Variants in EML4 observed in about 807,000 individuals in gnomAD.
EML4 encodes EMAP like 4, also known as echinoderm microtubule-associated protein-like 4.
A neutral mutation model predicts 129.0 loss-of-function variants in EML4; 72 were observed. The observed-to-expected ratio is 0.56, with a 90% CI of 0.46 to 0.68. The LOEUF (loss-of-function observed/expected upper bound fraction) is 0.68. Ranked by LOEUF, EML4 falls within the 30% of genes least tolerant of loss-of-function variation. The probability of loss-of-function intolerance (pLI) is 0.00; values close to 1 mark genes in which losing one functional copy is unlikely to be tolerated. For synonymous variants in EML4, 532 were observed against 405.0 expected, an observed-to-expected ratio of 1.31 and a Z score of -3.77; for missense variants, 1,363 against 1,190.6, an observed-to-expected ratio of 1.14 and a Z score of -2.13.
intron 1 of EML4, among the ~76,000 whole-genome samples, chr2:42,232,507 C>G (rs1674411072): frequency 6.6e-6 from 1 of 152,138 alleles, no homozygotes; most frequent in Admixed American, 6.5e-5. Flanking sequence ...TCTCACCAGT[C>G]AATAGCAAGA....
intron 2 of EML4, among the ~76,000 whole-genome samples, chr2:42,253,555 CAAG>C (rs769115203): frequency 1.3e-5 from 2 of 152,076 alleles, no homozygotes; most frequent in Non-Finnish European, 2.9e-5. Context: ...GGTAAAACTG[CAAG>C]AAGAGAGACT....
chr2:42,186,326 A>G (rs1346738726), intron 1 of EML4, among the ~76,000 whole-genome samples: 1 of 151,990 alleles, frequency 6.6e-6, no homozygotes, highest in African/African-American at 2.4e-5. Context: ...GACTTTTTGA[A>G]AGTCTTTATA....
intron 13 of EML4, 44 bp from the exon 14 acceptor site, chr2:42,301,194 TGAA>T: frequency 6.5e-7 from 1 of 1,539,244 alleles, no homozygotes; most frequent in Non-Finnish European, 8.9e-7. Flanking sequence ...CACTAAAATC[TGAA>T]GAAAAGTATT....
At chr2:42,246,615 G>C (rs1007452764) in intron 2 of EML4, among the ~76,000 whole-genome samples, 1 of 152,156 alleles carries the variant, frequency 6.6e-6, no homozygotes, top group African/African-American at 2.4e-5. Context: ...GGTATGTAGA[G>C]ATACATATTG....
In EML4 at chr2:42,316,005, C is replaced by G; in HGVS notation, c.2011C>G (p.His671Asp). The G allele has an allele frequency of 6.2e-7, 1 of 1,613,402 alleles. No homozygotes were observed. The highest frequency in any genetic ancestry group is 8.5e-7 in the Non-Finnish European group (1 of 1,179,620). The change falls in exon 18 of 23, where the codon CAC (histidine) becomes GAC (aspartate). Residue 671 changes from histidine (H) to aspartate (D), a missense_variant. Transcript: ENST00000318522. ...DAETRDLVSI[H>D]TDGNEQLSVM... ...AGAAACCAGAGATCTAGTTTCTATCCACACAGACGGGAATGAACAGCTCTC... is the reference window on the plus strand; with the variant it reads ...AGAAACCAGAGATCTAGTTTCTATCGACACAGACGGGAATGAACAGCTCTC...
At chr2:42,174,786 A>G (rs913983915) in intron 1 of EML4, among the ~76,000 whole-genome samples, 1 of 151,982 alleles carries the variant, frequency 6.6e-6, no homozygotes, top group East Asian at 1.9e-4. Flanking sequence ...TTATACTTTT[A>G]TAGGTGAAAA....
chr2:42,207,127 G>A (rs1672600492), intron 1 of EML4, among the ~76,000 whole-genome samples: 2 of 151,976 alleles, frequency 1.3e-5, no homozygotes, highest in African/African-American at 4.8e-5. Context: ...GTGATTATTG[G>A]TTACATTCTA....
At chr2:42,203,607 A>G (rs1015822952) in intron 1 of EML4, among the ~76,000 whole-genome samples, 2 of 150,386 alleles carry the variant, frequency 1.3e-5, no homozygotes, top group Non-Finnish European at 2.9e-5. Flanking sequence ...ACAGCCGTTT[A>G]TATACTTATT....
At chr2:42,281,003 A>G (rs371647409) in intron 7 of EML4, 30 bp downstream of exon 7, 7 of 1,530,902 alleles carry the variant, frequency 4.6e-6, no homozygotes, top group Non-Finnish European at 6.2e-6. Flanking sequence ...CAGCAAATTC[A>G]TTTGCTTTGT....
chr2:42,328,913 C>T lies in EML4; in HGVS notation c.2369C>T (p.Thr790Ile), dbSNP rs2103846609. Residue 790 changes from threonine (T) to isoleucine (I), a missense_variant, in exon 22 of 23, where the codon ACA becomes ATA. Physicochemically the swap from Thr to Ile is moderately conservative, Grantham distance 89. Transcript: ENST00000318522. ...FGVWPEGSDG[T>I]DINALVRSHN... ...GTCTGGCCAGAAGGATCTGATGGGACAGATATCAATGCACTGGTGCGATCC... is the reference window on the plus strand; with the variant it reads ...GTCTGGCCAGAAGGATCTGATGGGATAGATATCAATGCACTGGTGCGATCC... 6.2e-7 allele frequency: 1 copy of T among 1,612,618 alleles called. No individual in the cohort carries two copies. The highest frequency in any genetic ancestry group is 1.1e-5 in the South Asian group (1 of 90,930).
At chr2:42,304,335 C>G in intron 16 of EML4, 149 bp from the exon 17 acceptor site, 1 of 630,630 alleles carries the variant, frequency 1.6e-6, no homozygotes, top group Non-Finnish European at 2.8e-6. Context: ...TCTTTTTCCT[C>G]TCATATCTGT....
chr2:42,330,361 T>C lies in EML4; in HGVS notation c.*154T>C. ...CTTCAATAGTCTTATTTTCAGTCTC[T>C]CAAATACAGCCAACTTAAAGTTTTA... is the stretch of plus-strand genomic sequence containing the variant. On this transcript the variant is annotated 3_prime_UTR_variant, in exon 23 of 23. Coordinates refer to ENST00000318522, the MANE Select transcript of EML4 (RefSeq NM_019063.5). 1.4e-6 allele frequency: 1 copy of C among 738,236 alleles called. No individual in the cohort carries two copies. Among genetic ancestry groups the C allele is most frequent in the East Asian group, 2.7e-5 (1 of 37,292 alleles). The allele number at this position is 738,236 out of a possible 1,614,324, so 45.7% of individuals were successfully genotyped here.
chr2:42,248,814 A>G (rs886663931), intron 2 of EML4, among the ~76,000 whole-genome samples: 2 of 152,174 alleles, frequency 1.3e-5, no homozygotes, highest in African/African-American at 2.4e-5. Context: ...AAATGGTTTG[A>G]TGGGGGTATT....
chr2:42,299,699 T>C (rs912770047), intron 13 of EML4, among the ~76,000 whole-genome samples: 6 of 152,336 alleles, frequency 3.9e-5, no homozygotes, highest in Non-Finnish European at 8.8e-5. Context: ...TTTGTTTGTT[T>C]GTTTTTTGAG....
intron 1 of EML4, among the ~76,000 whole-genome samples, chr2:42,202,884 C>G (rs1672314203): frequency 6.6e-6 from 1 of 152,018 alleles, no homozygotes; most frequent in Admixed American, 6.6e-5. Flanking sequence ...AAAAATTAGC[C>G]TGGTGGGGTG....
intron 2 of EML4, 32 bp downstream of exon 2, chr2:42,245,719 G>C (rs1397770968): frequency 2.0e-6 from 3 of 1,516,268 alleles, no homozygotes; most frequent in African/African-American, 2.8e-5. Flanking sequence ...AAAGAGTCTT[G>C]CTTTTTGCAA....
At position 42,326,215 on chromosome 2, in the gene EML4, G is replaced by A. The variant is rs1669803995; in HGVS notation, c.2304G>A (p.Trp768Ter). 6.2e-7 allele frequency: 1 copy of A among 1,613,760 alleles called. No individual in the cohort carries two copies. Among genetic ancestry groups the A allele is most frequent in the Non-Finnish European group, 8.5e-7 (1 of 1,179,790 alleles). Residue 768 changes from tryptophan to a stop codon, truncating the protein, a stop_gained, in exon 21 of 23, where the codon TGG (tryptophan) becomes TGA (stop). Transcript: ENST00000318522. LOFTEE classifies it high-confidence loss of function. ...RNRSDCKDID[W>*]TTYTCVLGFQ... ...GATCGGATTGTAAGGACATTGATTG[G>A]ACGACATATACCTGTGTGCTAGGAT... is the stretch of plus-strand genomic sequence containing the variant.
intron 1 of EML4, among the ~76,000 whole-genome samples, chr2:42,220,362 C>G (rs1256268958): frequency 6.6e-6 from 1 of 151,792 alleles, no homozygotes; most frequent in Non-Finnish European, 1.5e-5. Context: ...TGCTAGTTCT[C>G]ACAGTATTTC....
intron 1 of EML4, among the ~76,000 whole-genome samples, chr2:42,189,314 A>G (rs866890520): frequency 3.3e-5 from 5 of 152,268 alleles, no homozygotes; most frequent in Middle Eastern, 3.4e-3. Flanking sequence ...CTATCCCACT[A>G]CCAAGGGAAG....
Sources: gnomAD v4.1 joint callset for allele counts (sites outside exome capture counted in the v4.1 genomes callset) on GRCh38, gnomAD v4.1.1 for gene constraint, MANE v1.5 for transcripts, NCBI Gene and HGNC (gene_info 2026-07-23, HGNC 2026-07-21) for gene names.